The following NAALADL2 variants were observed in gnomAD, a reference collection of about 807,000 sequenced individuals.
NAALADL2 encodes the protein inactive N-acetylated-alpha-linked acidic dipeptidase-like protein 2.
NAALADL2 carries 76 observed loss-of-function variants against 87.2 expected under a neutral mutation model. The ratio of observed to expected loss-of-function variants is 0.87; its 90% CI spans 0.72 to 1.05. The LOEUF is 1.05. NAALADL2 is among the 50% of genes least tolerant of loss of function. NAALADL2 has a pLI of 0.00. For missense variants in NAALADL2, 1,089 were observed against 945.8 expected (o/e 1.15, Z -1.99); for synonymous variants, 354 against 331.0 (o/e 1.07, Z -0.75).
At chr3:175,262,972 T>G (rs1384721883) in intron 4 of NAALADL2, among the ~76,000 whole-genome samples, 4 of 149,994 alleles carry the variant, frequency 2.7e-5, no homozygotes. Flanking sequence ...AATAAGGCAC[T>G]TCTTACCTAA....
At chr3:174,451,498 T>G (rs1427986204) in intron 1 of NAALADL2, among the ~76,000 whole-genome samples, 2 of 152,216 alleles carry the variant, frequency 1.3e-5, no homozygotes, top group Non-Finnish European at 2.9e-5. Context: ...AGGCATTTTC[T>G]TAGCATGTAT....
At chr3:174,676,634 AGATTT>A (rs1167108289) in intron 2 of NAALADL2, among the ~76,000 whole-genome samples, 1 of 151,982 alleles carries the variant, frequency 6.6e-6, no homozygotes, top group Non-Finnish European at 1.5e-5. Flanking sequence ...ATTTTAGAAT[AGATTT>A]ATGTGAGACA....
At chr3:174,651,409 A>C (rs1258293151) in intron 2 of NAALADL2, among the ~76,000 whole-genome samples, 2 of 152,210 alleles carry the variant, frequency 1.3e-5, no homozygotes, top group South Asian at 4.1e-4. Flanking sequence ...TGTTTTGTGC[A>C]TGTGGACAAG....
intron 3 of NAALADL2, among the ~76,000 whole-genome samples, chr3:174,851,032 TAAG>T (rs1445756614): frequency 1.3e-5 from 2 of 152,072 alleles, no homozygotes; most frequent in African/African-American, 4.8e-5. Context: ...TTGGAGAAGT[TAAG>T]AAGGAAGTTT....
intron 2 of NAALADL2, among the ~76,000 whole-genome samples, chr3:174,645,800 A>G (rs1032435218): frequency 3.3e-5 from 5 of 152,208 alleles, no homozygotes; most frequent in African/African-American, 1.2e-4. Context: ...TATATTGAAG[A>G]GAATTACAGT....
At chr3:174,649,076 G>C (rs1724093612) in intron 2 of NAALADL2, among the ~76,000 whole-genome samples, 2 of 152,026 alleles carry the variant, frequency 1.3e-5, no homozygotes, top group African/African-American at 4.8e-5. Flanking sequence ...TGATTTTCCT[G>C]CCTCAGCCTC....
intron 1 of NAALADL2, among the ~76,000 whole-genome samples, chr3:174,471,959 T>A: frequency 6.6e-6 from 1 of 152,110 alleles, no homozygotes; most frequent in Middle Eastern, 3.2e-3. Context: ...TTTTATATGA[T>A]CTCACAAATC....
intron 4 of NAALADL2, among the ~76,000 whole-genome samples, chr3:175,279,872 G>T (rs4393918): frequency 6.6e-6 from 1 of 150,948 alleles, no homozygotes; most frequent in Admixed American, 6.6e-5. Flanking sequence ...AAATATATGG[G>T]TATGGGAATT....
chr3:174,617,177 G>A (rs1720544423), intron 2 of NAALADL2, among the ~76,000 whole-genome samples: 1 of 151,624 alleles, frequency 6.6e-6, no homozygotes, highest in Non-Finnish European at 1.5e-5. Context: ...TTAGCTTGTC[G>A]AACAGGTAAA....
intron 1 of NAALADL2, among the ~76,000 whole-genome samples, chr3:175,034,099 C>A (rs983663002): frequency 2.6e-5 from 4 of 152,082 alleles, no homozygotes; most frequent in Non-Finnish European, 5.9e-5. Flanking sequence ...CATGTATAAT[C>A]CATGAGAAAA....
intron 5 of NAALADL2, among the ~76,000 whole-genome samples, chr3:175,436,464 T>C (rs200850888): frequency 1.1e-4 from 16 of 143,720 alleles, no homozygotes; most frequent in Middle Eastern, 3.5e-3. Flanking sequence ...TACAGTCCCA[T>C]CAACAGTGTA....
At chr3:175,166,712 C>T (rs1261382029) in intron 2 of NAALADL2, among the ~76,000 whole-genome samples, 1 of 151,986 alleles carries the variant, frequency 6.6e-6, no homozygotes, top group African/African-American at 2.4e-5. Flanking sequence ...CTGCTGATTA[C>T]ACCTATATTT....
intron 5 of NAALADL2, among the ~76,000 whole-genome samples, chr3:175,446,247 G>C (rs1002633768): frequency 9.6e-5 from 14 of 145,424 alleles, no homozygotes; most frequent in Admixed American, 2.0e-4. Flanking sequence ...CCTTTTTTTG[G>C]GGGGGGCGGG....
At chr3:174,840,817 G>A (rs750557853) in intron 3 of NAALADL2, among the ~76,000 whole-genome samples, 9 of 152,002 alleles carry the variant, frequency 5.9e-5, no homozygotes, top group Non-Finnish European at 1.0e-4. Flanking sequence ...TTACAGAAAC[G>A]TCTATTTTAA....
At chr3:175,148,120 T>C (rs1329157897) in intron 2 of NAALADL2, among the ~76,000 whole-genome samples, 1 of 146,034 alleles carries the variant, frequency 6.8e-6, no homozygotes, top group African/African-American at 2.5e-5. Flanking sequence ...ATAATAATAA[T>C]AATAAAATAA....
At chr3:174,882,725 A>G (rs1336017628) in intron 1 of NAALADL2, among the ~76,000 whole-genome samples, 2 of 143,282 alleles carry the variant, frequency 1.4e-5, no homozygotes, top group Non-Finnish European at 3.0e-5. Context: ...ATATATGTGT[A>G]TATGTGTATC....
chr3:175,105,510 T>C (rs990085742), intron 2 of NAALADL2, among the ~76,000 whole-genome samples: 4 of 149,900 alleles, frequency 2.7e-5, no homozygotes, highest in South Asian at 2.1e-4. Context: ...TATATTTATA[T>C]ATAAATTCAT....
At chr3:174,465,122 C>T (rs1312774089) in intron 1 of NAALADL2, among the ~76,000 whole-genome samples, 1 of 151,686 alleles carries the variant, frequency 6.6e-6, no homozygotes, top group African/African-American at 2.4e-5. Context: ...CTTTTTTATG[C>T]ACAATGAAAA....
chr3:175,322,508 A>G (rs1230326188), intron 4 of NAALADL2, among the ~76,000 whole-genome samples: 8 of 95,006 alleles, frequency 8.4e-5, no homozygotes, highest in African/African-American at 4.0e-4. Context: ...TAAACTAAAG[A>G]GCTTCTGCAC....
Sources: allele counts gnomAD v4.1 joint callset (sites outside exome capture counted in the v4.1 genomes callset), GRCh38; gene constraint gnomAD v4.1.1; transcripts MANE v1.5; gene names NCBI Gene and HGNC (gene_info 2026-07-23, HGNC 2026-07-21).